DLGAP2: variants seen among roughly 807,000 people sequenced by gnomAD.
The protein encoded by DLGAP2 is disks large-associated protein 2.
A neutral mutation model predicts 100.3 loss-of-function variants in DLGAP2; 26 were observed. The observed-to-expected ratio is 0.26, with a 90% CI of 0.19 to 0.36. The LOEUF (loss-of-function observed/expected upper bound fraction) is 0.36. Ranked by LOEUF, DLGAP2 falls within the 10% of genes least tolerant of loss-of-function variation. The pLI, the probability that DLGAP2 is intolerant of heterozygous loss-of-function variation, is 1.00. For synonymous variants in DLGAP2, 886 were observed against 630.1 expected (o/e 1.41, Z -6.08); for missense variants, 1,858 against 1,453.2 (o/e 1.28, Z -4.53).
intron 2 of DLGAP2, among the ~76,000 whole-genome samples, chr8:1,015,229 G>A (rs796243064): frequency 6.1e-3 from 18 of 2,942 alleles, no homozygotes; most frequent in East Asian, 0.01. Context: ...AGGACAGACG[G>A]TGCCTCCACT....
Position 1,551,791 on chromosome 8 carries a change from G to A in DLGAP2, c.1230+2108G>A, listed in dbSNP as rs557852422. On this transcript the variant is annotated intron_variant, in intron 5 of 14. Transcript: ENST00000637795. ...GTGTTGATCTCCCAGAGATCCACACGGAATGATGAGTACGCTTTCTTTTGA... is the reference window on the plus strand; with the variant it reads ...GTGTTGATCTCCCAGAGATCCACACAGAATGATGAGTACGCTTTCTTTTGA... 4.7e-5 allele frequency among the ~76,000 whole-genome samples: 7 copies of A among 149,722 alleles called. No homozygotes were observed. The South Asian group carries it at 6.4e-4, about 14-fold the overall frequency.
chr8:904,990 C>T (rs537188107), intron 1 of DLGAP2, among the ~76,000 whole-genome samples: 2 of 152,336 alleles, frequency 1.3e-5, no homozygotes, highest in South Asian at 4.1e-4. Flanking sequence ...CTCAGCCTTC[C>T]AGAGGCCGTG....
chr8:780,905 G>T (rs1387143515), intron 1 of DLGAP2, among the ~76,000 whole-genome samples: 1 of 152,126 alleles, frequency 6.6e-6, no homozygotes, highest in Non-Finnish European at 1.5e-5. Flanking sequence ...AATTATTGAG[G>T]ACATCAAAAA....
At chr8:1,241,590 C>A (rs921406304) in intron 2 of DLGAP2, among the ~76,000 whole-genome samples, 10 of 152,350 alleles carry the variant, frequency 6.6e-5, no homozygotes, top group Middle Eastern at 3.4e-3. Context: ...TGGAGCCAGT[C>A]AGCTTCTAGA....
intron 3 of DLGAP2, among the ~76,000 whole-genome samples, chr8:1,472,076 C>T (rs1430682460): frequency 2.0e-5 from 3 of 152,220 alleles, no homozygotes; most frequent in East Asian, 1.9e-4. Flanking sequence ...CACGATTGAG[C>T]GTGGGAGTGA....
intron 2 of DLGAP2, among the ~76,000 whole-genome samples, chr8:1,223,007 A>G (rs981567273): frequency 1.3e-5 from 2 of 152,052 alleles, no homozygotes; most frequent in Admixed American, 1.3e-4. Flanking sequence ...AGCCGTTCCC[A>G]CACCAAATCT....
chr8:1,515,815 C>T (rs1800353487), intron 4 of DLGAP2, among the ~76,000 whole-genome samples: 1 of 152,382 alleles, frequency 6.6e-6, no homozygotes, highest in South Asian at 2.1e-4. Flanking sequence ...AGTCTGTTCC[C>T]TGCTCCCATT....
intron 1 of DLGAP2, among the ~76,000 whole-genome samples, chr8:786,340 G>T (rs1821865198): frequency 6.6e-6 from 1 of 152,144 alleles, no homozygotes; most frequent in African/African-American, 2.4e-5. Context: ...CCCACTTCTC[G>T]CGGCCGAGAC....
chr8:1,649,161 C>T (rs1017045054), intron 8 of DLGAP2, among the ~76,000 whole-genome samples: 3 of 152,160 alleles, frequency 2.0e-5, no homozygotes, highest in Non-Finnish European at 4.4e-5. Context: ...CTTAAGATGT[C>T]CAAAAGCCAA....
At chr8:790,425 A>G (rs1009424936) in intron 1 of DLGAP2, among the ~76,000 whole-genome samples, 1 of 152,166 alleles carries the variant, frequency 6.6e-6, no homozygotes, top group Non-Finnish European at 1.5e-5. Context: ...AGTGTGAGAA[A>G]ATGTATTTCT....
At chr8:1,598,922 T>G (rs1006076090) in intron 6 of DLGAP2, among the ~76,000 whole-genome samples, 2 of 152,208 alleles carry the variant, frequency 1.3e-5, no homozygotes, top group African/African-American at 4.8e-5. Context: ...TTGAATTTGT[T>G]TGCTCTTGCT....
chr8:1,032,751 T>C (rs1468178284), intron 2 of DLGAP2: 3 of 152,206 alleles, frequency 2.0e-5, no homozygotes, highest in African/African-American at 4.8e-5. Flanking sequence ...GAGCTCTTTG[T>C]AGAAATGAGA....
intron 3 of DLGAP2, among the ~76,000 whole-genome samples, chr8:1,431,541 C>T (rs1007646521): frequency 3.9e-5 from 6 of 152,220 alleles, no homozygotes; most frequent in Non-Finnish European, 8.8e-5. Context: ...GCCTGGCGCT[C>T]AGCAGCCGTT....
intron 2 of DLGAP2, among the ~76,000 whole-genome samples, chr8:1,126,042 C>T (rs977349184): frequency 2.0e-5 from 3 of 152,240 alleles, no homozygotes; most frequent in African/African-American, 7.2e-5. Flanking sequence ...TGTGTATCCC[C>T]TGCCATGGTC....
Position 1,304,824 on chromosome 8 carries a change from T to G in DLGAP2, c.106+45941T>G, listed in dbSNP as rs191148438. Reference sequence around the variant, plus strand: ...GTGGATCATCATCAATTATAATAAATGCTAAACACCCTTCAATACTGCACA... The same window carrying G: ...GTGGATCATCATCAATTATAATAAAGGCTAAACACCCTTCAATACTGCACA... On this transcript the variant is annotated intron_variant, in intron 3 of 14. Transcript: ENST00000637795. Among the ~76,000 whole-genome samples the G allele has an allele frequency of 7.8e-4, 119 of 152,306 alleles. 1 individual carries two copies. The highest frequency in any genetic ancestry group is 7.5e-3 in the Admixed American group (114 of 15,302).
rs187949914 is a variant in DLGAP2, at chr8:1,235,720, G to A, written c.74-23131G>A. On this transcript the variant is annotated intron_variant, in intron 2 of 14. Transcript: ENST00000637795. Reference sequence around the variant, plus strand: ...GTTCTCTCACATGGCGCCGTATCTAGTTCTCTCACATGGTGCCATATCTAG... The same window carrying A: ...GTTCTCTCACATGGCGCCGTATCTAATTCTCTCACATGGTGCCATATCTAG... Among the ~76,000 whole-genome samples, 6 of 23,184 alleles carry A rather than the reference G, an allele frequency of 2.6e-4. 2 individuals carry two copies. The highest frequency in any genetic ancestry group is 4.8e-4 in the Non-Finnish European group (6 of 12,476). The allele number at this position is 23,184 out of a possible 152,430, so 15.2% of individuals were successfully genotyped here.
chr8:1,491,055 TA>T (rs1471383675), intron 3 of DLGAP2, among the ~76,000 whole-genome samples: 22 of 10,362 alleles, frequency 2.1e-3, no homozygotes, highest in Admixed American at 6.3e-3. Context: ...TAAAATAAAA[TA>T]AATAAAAATA....
intron 1 of DLGAP2, among the ~76,000 whole-genome samples, chr8:806,614 G>A (rs776742251): frequency 6.6e-6 from 1 of 152,114 alleles, no homozygotes; most frequent in Non-Finnish European, 1.5e-5. Context: ...TTCCTTGCTC[G>A]GCTGCTCCTG....
chr8:1,555,404 C>G (rs543332108), intron 5 of DLGAP2, among the ~76,000 whole-genome samples: 2 of 152,198 alleles, frequency 1.3e-5, no homozygotes, highest in Non-Finnish European at 2.9e-5. Context: ...CCAGGCCACA[C>G]CATTTCCTGA....
Sources: gnomAD v4.1 joint callset for allele counts (sites outside exome capture counted in the v4.1 genomes callset) on GRCh38, gnomAD v4.1.1 for gene constraint, MANE v1.5 for transcripts, NCBI Gene and HGNC (gene_info 2026-07-23, HGNC 2026-07-21) for gene names.